MAF: variants seen among roughly 807,000 people sequenced by gnomAD.
MAF encodes transcription factor Maf.
Under a neutral mutation model 22.0 loss-of-function variants are expected in MAF, and 10 were observed. The ratio of observed to expected loss-of-function variants is 0.45; its 90% CI spans 0.28 to 0.77. The LOEUF (loss-of-function observed/expected upper bound fraction) is 0.77. Among genes scored for constraint, MAF ranks in the 30% least tolerant of loss-of-function variants. The pLI, the probability that MAF is intolerant of heterozygous loss-of-function variation, is 0.12. For synonymous variants in MAF, 337 were observed against 255.8 expected (o/e 1.32, Z -3.03); for missense variants, 544 against 548.4 (o/e 0.99, Z 0.08).
the MAF span, among the ~76,000 whole-genome samples, chr16:79,256,178 C>T: frequency 6.5e-3 from 977 of 150,912 alleles, 4 homozygotes; most frequent in African/African-American, 0.014. Flanking sequence ...TTAGTAGAGA[C>T]GGGATTTCAC....
chr16:79,282,079 G>C, the MAF span, among the ~76,000 whole-genome samples: 1 of 152,068 alleles, frequency 6.6e-6, no homozygotes, highest in Non-Finnish European at 1.5e-5. Flanking sequence ...GAGGCTGTTG[G>C]ATCACGAGGT....
the MAF span, among the ~76,000 whole-genome samples, chr16:79,286,107 C>G: frequency 6.6e-6 from 1 of 152,212 alleles, no homozygotes; most frequent in African/African-American, 2.4e-5. Context: ...TGATAGGCAT[C>G]TGGGTGATAT....
At chr16:79,321,866 T>C in the MAF span, among the ~76,000 whole-genome samples, 1 of 151,884 alleles carries the variant, frequency 6.6e-6, no homozygotes, top group Non-Finnish European at 1.5e-5. Context: ...ACAGGGTGTA[T>C]GTGCTTTAAG....
At chr16:79,241,686 CG>C in the MAF span, among the ~76,000 whole-genome samples, 1 of 152,052 alleles carries the variant, frequency 6.6e-6, no homozygotes, top group East Asian at 1.9e-4. Flanking sequence ...TCAGGAAATA[CG>C]GACAACGCCA....
the MAF span, among the ~76,000 whole-genome samples, chr16:79,376,649 G>T: frequency 2.0e-5 from 3 of 151,992 alleles, no homozygotes; most frequent in African/African-American, 7.3e-5. Context: ...TTAGCATTAG[G>T]TATATCTCCT....
the MAF span, among the ~76,000 whole-genome samples, chr16:79,273,750 A>G: frequency 3.9e-5 from 6 of 152,226 alleles, no homozygotes; most frequent in East Asian, 9.7e-4. Flanking sequence ...AGTCCAGGGT[A>G]TTGTCCTTAT....
At chr16:79,444,709 G>A in the MAF span, among the ~76,000 whole-genome samples, 1 of 152,186 alleles carries the variant, frequency 6.6e-6, no homozygotes, top group Non-Finnish European at 1.5e-5. Context: ...CACTGTTTCT[G>A]GGTGCAGGGC....
the MAF span, among the ~76,000 whole-genome samples, chr16:79,549,233 C>G: frequency 1.3e-5 from 2 of 149,552 alleles, no homozygotes; most frequent in African/African-American, 4.9e-5. Flanking sequence ...ATGGCGTGCC[C>G]AACATAGTGC....
the MAF span, among the ~76,000 whole-genome samples, chr16:79,518,620 G>T: frequency 6.6e-6 from 1 of 152,344 alleles, no homozygotes; most frequent in African/African-American, 2.4e-5. Flanking sequence ...TCTGTGAAAT[G>T]CTGATAACAC....
At chr16:79,512,733 G>A in the MAF span, among the ~76,000 whole-genome samples, 7 of 152,188 alleles carry the variant, frequency 4.6e-5, no homozygotes, top group South Asian at 4.1e-4. Context: ...ACAGATGTGC[G>A]TGAGTCAGGT....
the MAF span, among the ~76,000 whole-genome samples, chr16:79,411,997 A>G: frequency 7.2e-5 from 11 of 152,300 alleles, no homozygotes; most frequent in East Asian, 2.1e-3. Context: ...CAGTACCACG[A>G]TAATGACTCA....
the MAF span, among the ~76,000 whole-genome samples, chr16:79,283,694 C>T: frequency 6.6e-6 from 1 of 152,170 alleles, no homozygotes. Context: ...GCAATCATTA[C>T]AGACTCTGGG....
chr16:79,369,495 T>A, the MAF span, among the ~76,000 whole-genome samples: 2 of 152,222 alleles, frequency 1.3e-5, no homozygotes, highest in Non-Finnish European at 2.9e-5. Context: ...TGATTTCACA[T>A]ATACTAAGAG....
the MAF span, among the ~76,000 whole-genome samples, chr16:79,520,001 G>T: frequency 5.9e-5 from 9 of 152,216 alleles, no homozygotes; most frequent in Non-Finnish European, 1.2e-4. Context: ...GGGCAGGAGG[G>T]GATGCTGGAA....
the MAF span, among the ~76,000 whole-genome samples, chr16:79,523,992 C>T: frequency 6.6e-6 from 1 of 152,152 alleles, no homozygotes; most frequent in South Asian, 2.1e-4. Context: ...ATGAAATTAC[C>T]CCAAGCCATC....
the MAF span, among the ~76,000 whole-genome samples, chr16:79,272,332 G>A: frequency 6.6e-6 from 1 of 152,230 alleles, no homozygotes; most frequent in East Asian, 1.9e-4. Context: ...CACATGAAAA[G>A]TGCAGAGACC....
At chr16:79,559,528 A>G in the MAF span, among the ~76,000 whole-genome samples, 1 of 152,176 alleles carries the variant, frequency 6.6e-6, no homozygotes, top group Non-Finnish European at 1.5e-5. Context: ...AAAGCCAGGA[A>G]ACAAATATTA....
the MAF span, among the ~76,000 whole-genome samples, chr16:79,255,815 A>T: frequency 6.6e-6 from 1 of 152,042 alleles, no homozygotes; most frequent in East Asian, 1.9e-4. Context: ...CTCATCTGTG[A>T]GTGGGGATAT....
chr16:79,218,980 A>T, the MAF span, among the ~76,000 whole-genome samples: 1 of 152,312 alleles, frequency 6.6e-6, no homozygotes, highest in East Asian at 1.9e-4. Flanking sequence ...AGGATTCCTT[A>T]GCTGGTTACT....
Sources: gnomAD v4.1 joint callset for allele counts (sites outside exome capture counted in the v4.1 genomes callset) on GRCh38, gnomAD v4.1.1 for gene constraint, MANE v1.5 for transcripts, NCBI Gene and HGNC (gene_info 2026-07-23, HGNC 2026-07-21) for gene names.